CARD19: variants seen among roughly 807,000 people sequenced by gnomAD.
CARD19 encodes the protein caspase recruitment domain family member 19.
In CARD19, 25 loss-of-function variants were observed where a neutral mutation model predicts 24.1. The ratio of observed to expected loss-of-function variants is 1.04; its 90% CI spans 0.76 to 1.45. The LOEUF (loss-of-function observed/expected upper bound fraction) is 1.45. Among genes scored for constraint, CARD19 ranks in the 40% most tolerant of loss-of-function variants. The pLI, the probability that CARD19 is intolerant of heterozygous loss-of-function variation, is 0.00. For synonymous variants in CARD19, 103 were observed against 104.9 expected (o/e 0.98, Z 0.11); for missense variants, 241 against 247.4 (o/e 0.97, Z 0.17).
intron 1 of CARD19, among the ~76,000 whole-genome samples, chr9:93,097,692 TC>T (rs1352639815): frequency 6.6e-6 from 1 of 152,152 alleles, no homozygotes; most frequent in Admixed American, 6.5e-5. Context: ...GGCCTTGCTG[TC>T]CATTAAGGAG....
intron 4 of CARD19, 39 bp downstream of exon 4, chr9:93,111,977 C>G (rs1827508305): frequency 5.7e-6 from 9 of 1,588,436 alleles, no homozygotes; most frequent in Non-Finnish European, 7.7e-6. Flanking sequence ...CTCTCCCTCT[C>G]TCTCCCTCTC....
chr9:93,111,238 G>A (rs1827473270), intron 3 of CARD19: 1 of 1,175,654 alleles, frequency 8.5e-7, no homozygotes, highest in Admixed American at 4.1e-5. Flanking sequence ...CAGTTTTGAG[G>A]CTCCTGTCCT....
intron 1 of CARD19, among the ~76,000 whole-genome samples, chr9:93,100,131 C>T (rs1471449405): frequency 6.6e-6 from 1 of 152,206 alleles, no homozygotes; most frequent in African/African-American, 2.4e-5. Context: ...CACAGGGCCC[C>T]ACGGAGCATG....
chr9:93,100,916 G>T (rs949856010), intron 1 of CARD19, among the ~76,000 whole-genome samples: 12 of 152,086 alleles, frequency 7.9e-5, no homozygotes, highest in Admixed American at 6.5e-5. Flanking sequence ...TTCCTTTTTA[G>T]GGCTGAGTAA....
Position 93,107,664 on chromosome 9 carries a change from T to C in CARD19, c.8-10T>C, listed in dbSNP as rs753875153. ...TGTGCTGGCTCATGACCCTGTGCTA[T>C]CTGTTTTAGATCAGACCTATTGTGA... On this transcript the variant is annotated splice_polypyrimidine_tract_variant and intron_variant, in intron 1 of 5. Coordinates refer to ENST00000375464, the MANE Select transcript of CARD19 (RefSeq NM_032310.5). 2 of 1,614,142 alleles carry C rather than the reference T, an allele frequency of 1.2e-6. No homozygotes were observed. Among genetic ancestry groups the C allele is most frequent in the Non-Finnish European group, 1.7e-6 (2 of 1,180,006 alleles).
intron 3 of CARD19, 23 bp from the exon 4 acceptor site, chr9:93,111,856 A>G (rs1160769052): frequency 3.7e-6 from 6 of 1,610,226 alleles, no homozygotes; most frequent in Non-Finnish European, 5.1e-6. Context: ...TTGACTAACT[A>G]TGCTCTGTGG....
At chr9:93,111,642 T>G in intron 3 of CARD19, 1 of 1,378,368 alleles carries the variant, frequency 7.3e-7, no homozygotes, top group Non-Finnish European at 9.4e-7. Context: ...TTGGCCCCAC[T>G]GGAGGTAGAG....
chr9:93,097,333 G>A (rs1826913527), intron 1 of CARD19, among the ~76,000 whole-genome samples: 1 of 152,018 alleles, frequency 6.6e-6, no homozygotes. Flanking sequence ...TGACTTCCAG[G>A]ACACCAGGCC....
rs535053231 is a variant in CARD19, at chr9:93,104,935, C to G, written c.8-2739C>G. Reference sequence around the variant, plus strand: ...TTTTTCTCCACTGTTTTTCGATTCTCTATTTCATTTGTCTTCACTCTAATC... The same window carrying G: ...TTTTTCTCCACTGTTTTTCGATTCTGTATTTCATTTGTCTTCACTCTAATC... On this transcript the variant is annotated intron_variant, in intron 1 of 5. Transcript: ENST00000375464. Among the ~76,000 whole-genome samples, 14 of 152,194 alleles carry G rather than the reference C, an allele frequency of 9.2e-5. No individual in the cohort carries two copies. The South Asian group carries it at 2.9e-3, about 32-fold the overall frequency.
In CARD19 at chr9:93,096,896, G is replaced by A. The variant is rs958163512; in HGVS notation, c.7+544G>A. On this transcript the variant is annotated intron_variant, in intron 1 of 5. Transcript: ENST00000375464. The surrounding 1 kb of genome is among the most constrained non-coding windows in gnomAD (Gnocchi z 5.4). ...TCTTGGAGTCTCCCAGACTCCTTCG[G>A]TGGTCCACGACGCTCTTGCCCCTGT... Among the ~76,000 whole-genome samples, 4 of 151,046 alleles carry A rather than the reference G, an allele frequency of 2.6e-5. No homozygotes were observed. The highest frequency in any genetic ancestry group is 5.9e-5 in the Non-Finnish European group (4 of 67,664).
rs1827521366 is a variant in CARD19, at chr9:93,112,203, C to T, written c.365-15C>T. On this transcript the variant is annotated splice_polypyrimidine_tract_variant and intron_variant, in intron 4 of 5. Transcript: ENST00000375464. ...GAGGCCCAGGGGAGCCCTGTTCACG[C>T]TGGTTTCTCCCCAGGACCCATGAGC... 5.2e-6 allele frequency: 8 copies of T among 1,544,114 alleles called. No individual in the cohort carries two copies. Among genetic ancestry groups the T allele is most frequent in the Non-Finnish European group, 7.0e-6 (8 of 1,146,834 alleles).
At chr9:93,105,371 C>T (rs557763173) in intron 1 of CARD19, among the ~76,000 whole-genome samples, 1 of 152,304 alleles carries the variant, frequency 6.6e-6, no homozygotes, top group Middle Eastern at 3.4e-3. Flanking sequence ...ACCTCCACCT[C>T]CCAGGTTCAA....
chr9:93,112,016 G>T, intron 4 of CARD19, 78 bp downstream of exon 4: 1 of 1,522,580 alleles, frequency 6.6e-7, no homozygotes, highest in Non-Finnish European at 8.9e-7. Flanking sequence ...CTCCATCTCC[G>T]CCTCAGGGGC....
At chr9:93,112,072 C>A in intron 4 of CARD19, 134 bp downstream of exon 4, 1 of 1,260,670 alleles carries the variant, frequency 7.9e-7, no homozygotes, top group Non-Finnish European at 1.0e-6. Flanking sequence ...CTGTTGGTGA[C>A]AGACCCCCCC....
Position 93,113,101 on chromosome 9 carries a change from G to T in CARD19, c.546G>T (p.Gly182=). 2.6e-6 allele frequency: 4 copies of T among 1,566,560 alleles called. No individual in the cohort carries two copies. The highest frequency in any genetic ancestry group is 3.5e-6 in the Non-Finnish European group (4 of 1,154,896). The change falls in exon 6 of 6, where the codon GGG becomes GGT. Residue 182 remains glycine (G), a synonymous_variant. Coordinates refer to ENST00000375464, the MANE Select transcript of CARD19 (RefSeq NM_032310.5). ...LLAFLADDLG[G]L ...CCTTCCTGGCAGATGACCTAGGGGG[G>T]CTCTGACAGACCCTGGACCCAGGGC...
intron 1 of CARD19, among the ~76,000 whole-genome samples, chr9:93,101,401 A>G (rs1164197345): frequency 2.7e-5 from 4 of 148,842 alleles, no homozygotes; most frequent in African/African-American, 9.9e-5. Flanking sequence ...TTTGTTTTCT[A>G]GGGTACATAC....
Position 93,111,167 on chromosome 9 carries a change from G to A in CARD19, c.304+446G>A, listed in dbSNP as rs181165515. On this transcript the variant is annotated intron_variant, in intron 3 of 5. Transcript: ENST00000375464. The stretch of plus-strand genomic sequence containing the variant: ...CCTTTCATTGCAGCGATCTGCACAC[G>A]TGTGGGTGTTTCCATAGGACATTGT... 646 of 1,202,314 alleles carry A rather than the reference G, an allele frequency of 5.4e-4. 4 individuals carry two copies. In the African/African-American group the frequency reaches 8.3e-3, roughly 15 times the overall value. 74.5% of individuals were successfully genotyped at this position (1,202,314 alleles called of 1,614,324 possible).
At chr9:93,102,222 T>G (rs1209370668) in intron 1 of CARD19, among the ~76,000 whole-genome samples, 1 of 152,176 alleles carries the variant, frequency 6.6e-6, no homozygotes, top group East Asian at 1.9e-4. Flanking sequence ...TCTGCTCCCC[T>G]TAGCCTCCCA....
chr9:93,110,744 T>C lies in CARD19; in HGVS notation c.304+23T>C, dbSNP rs963026331. 2.5e-6 allele frequency: 4 copies of C among 1,603,938 alleles called. No homozygotes were observed. In the South Asian group the frequency reaches 3.3e-5, roughly 13 times the overall value. On this transcript the variant is annotated intron_variant, in intron 3 of 5. Coordinates refer to ENST00000375464, the MANE Select transcript of CARD19 (RefSeq NM_032310.5). ...TGCGTAAGTTCCACATCACCAACCA[T>C]GCATGCTTGGTGCTGGCCCGGGGAG...
Sources: gnomAD v4.1 joint callset for allele counts (sites outside exome capture counted in the v4.1 genomes callset) on GRCh38, gnomAD v4.1.1 for gene constraint, Gnocchi (gnomAD v3.1) non-coding constraint, MANE v1.5 for transcripts, NCBI Gene and HGNC (gene_info 2026-07-23, HGNC 2026-07-21) for gene names.